The following ALDH1A2 variants were observed in gnomAD, a reference collection of about 807,000 sequenced individuals.
ALDH1A2 encodes retinal dehydrogenase 2.
A neutral mutation model predicts 60.3 loss-of-function variants in ALDH1A2; 27 were observed. The ratio of observed to expected loss-of-function variants is 0.45; its 90% CI spans 0.33 to 0.62. ALDH1A2 has a LOEUF of 0.62. ALDH1A2 is among the 20% of genes least tolerant of loss of function. ALDH1A2 has a pLI of 0.02. For synonymous variants in ALDH1A2, 289 were observed against 232.4 expected (o/e 1.24, Z -2.21); for missense variants, 581 against 643.8 (o/e 0.90, Z 1.06).
At chr15:58,064,240 G>A (rs547543062) in intron 1 of ALDH1A2, among the ~76,000 whole-genome samples, 1 of 152,202 alleles carries the variant, frequency 6.6e-6, no homozygotes, top group South Asian at 2.1e-4. Context: ...CTATTGTTAT[G>A]CAAACAATGC....
chr15:57,989,777 TAAAC>T (rs765148032), intron 7 of ALDH1A2, among the ~76,000 whole-genome samples: 6 of 152,186 alleles, frequency 3.9e-5, no homozygotes, highest in Admixed American at 6.5e-5. Context: ...CATTCATTTA[TAAAC>T]AAACAACCCT....
At chr15:58,031,103 A>G (rs764986720) in intron 1 of ALDH1A2, among the ~76,000 whole-genome samples, 8 of 152,104 alleles carry the variant, frequency 5.3e-5, no homozygotes, top group Middle Eastern at 3.2e-3. Context: ...AGCTAGAGGC[A>G]TCATGCTACC....
chr15:57,979,953 A>G (rs1894428299), intron 7 of ALDH1A2: 3 of 356,266 alleles, frequency 8.4e-6, no homozygotes, highest in South Asian at 8.3e-5. Context: ...GCTTGGTGTC[A>G]CAGATGTGCT....
intron 7 of ALDH1A2, among the ~76,000 whole-genome samples, chr15:57,969,705 G>T (rs546836689): frequency 6.6e-6 from 1 of 152,286 alleles, no homozygotes; most frequent in East Asian, 1.9e-4. Context: ...TACAGTTTGA[G>T]AAATTAAATC....
At chr15:57,956,026 G>GCC (rs1419736965) in intron 12 of ALDH1A2, among the ~76,000 whole-genome samples, 2 of 152,168 alleles carry the variant, frequency 1.3e-5, no homozygotes, top group Non-Finnish European at 2.9e-5. Flanking sequence ...TGTTCACAGA[G>GCC]CCCCTTGTTC....
At chr15:57,957,000 T>C (rs1893549003) in intron 12 of ALDH1A2, among the ~76,000 whole-genome samples, 1 of 152,188 alleles carries the variant, frequency 6.6e-6, no homozygotes, top group Non-Finnish European at 1.5e-5. Context: ...GCAGAGCTGC[T>C]CCTCTCTGGG....
rs8034521 is a variant in ALDH1A2 at position 58,052,755 on chromosome 15, G to A, written c.117+12779C>T. Among the ~76,000 whole-genome samples, 359 of 152,244 alleles carry A rather than the reference G, an allele frequency of 2.4e-3. 1 individual carries two copies. Among genetic ancestry groups the A allele is most frequent in the African/African-American group, 8.3e-3 (345 of 41,558 alleles). On this transcript the variant is annotated intron_variant, in intron 1 of 12. Transcript: ENST00000249750. Reference sequence around the variant, plus strand: ...TGACAGAGCTGGGGTCAGAACACGGGTCTTCTAATGCCCTGTCCAGTGCCT... The same window carrying A: ...TGACAGAGCTGGGGTCAGAACACGGATCTTCTAATGCCCTGTCCAGTGCCT...
intron 1 of ALDH1A2, among the ~76,000 whole-genome samples, chr15:58,056,044 G>A (rs1331960310): frequency 1.3e-5 from 2 of 152,098 alleles, no homozygotes; most frequent in Non-Finnish European, 2.9e-5. Flanking sequence ...CACAGCGCGA[G>A]CGCACATGAG....
chr15:57,956,889 G>A (rs1893545695), intron 12 of ALDH1A2, among the ~76,000 whole-genome samples: 2 of 152,316 alleles, frequency 1.3e-5, no homozygotes, highest in South Asian at 4.1e-4. Flanking sequence ...GAAATGTAAG[G>A]AAGTCTACAG....
intron 1 of ALDH1A2, among the ~76,000 whole-genome samples, chr15:58,050,078 T>A (rs1896737131): frequency 6.6e-6 from 1 of 152,054 alleles, no homozygotes; most frequent in Admixed American, 6.6e-5. Flanking sequence ...ACCCAGCTTA[T>A]CTCAATGTTT....
At chr15:58,063,099 A>G (rs867429217) in intron 1 of ALDH1A2, among the ~76,000 whole-genome samples, 1 of 152,228 alleles carries the variant, frequency 6.6e-6, no homozygotes, top group Non-Finnish European at 1.5e-5. Context: ...AAGTTTTCTA[A>G]GTGCACATTA....
In ALDH1A2 at chr15:57,962,545, G is replaced by T. The variant is rs1893756869; in HGVS notation, c.1087-369C>A. ...AATGAGTAACTTAGCAAGTTGTATT[G>T]ATAGTAAAAAGAGGCAAAAATTAGC... On this transcript the variant is annotated intron_variant, in intron 9 of 12. Coordinates refer to ENST00000249750, the MANE Select transcript of ALDH1A2 (RefSeq NM_003888.4). Among the ~76,000 whole-genome samples the T allele has an allele frequency of 2.0e-5, 3 of 152,162 alleles. No individual in the cohort carries two copies. The South Asian group carries it at 6.2e-4, about 32-fold the overall frequency.
intron 1 of ALDH1A2, among the ~76,000 whole-genome samples, chr15:58,020,305 T>C (rs1158448481): frequency 1.3e-5 from 2 of 152,238 alleles, no homozygotes; most frequent in South Asian, 2.1e-4. Context: ...CTTTATAATA[T>C]GATTTATATT....
chr15:58,040,049 A>G (rs1346062288), intron 1 of ALDH1A2, among the ~76,000 whole-genome samples: 4 of 151,932 alleles, frequency 2.6e-5, no homozygotes, highest in Non-Finnish European at 4.4e-5. Flanking sequence ...AACATTCACA[A>G]GCACTTATTG....
At chr15:57,978,653 T>C (rs1349595014) in intron 7 of ALDH1A2, among the ~76,000 whole-genome samples, 2 of 152,190 alleles carry the variant, frequency 1.3e-5, no homozygotes, top group African/African-American at 4.8e-5. Flanking sequence ...GGGGGGTCCC[T>C]GTGCAGTACT....
chr15:57,977,127 G>A (rs1399256371), intron 7 of ALDH1A2, among the ~76,000 whole-genome samples: 7 of 150,024 alleles, frequency 4.7e-5, no homozygotes, highest in Non-Finnish European at 8.9e-5. Context: ...ACTTGTTTAA[G>A]TTCCTTGTAG....
At chr15:58,014,527 G>C (rs750024517) in intron 1 of ALDH1A2, 8 of 547,096 alleles carry the variant, frequency 1.5e-5, no homozygotes, top group South Asian at 1.1e-4. Context: ...ACTAACTAAA[G>C]ATACAAATAA....
At chr15:57,997,320 G>C (rs1464472939) in intron 4 of ALDH1A2, among the ~76,000 whole-genome samples, 3 of 151,982 alleles carry the variant, frequency 2.0e-5, no homozygotes, top group Non-Finnish European at 4.4e-5. Context: ...GGTTTTTCAT[G>C]AGGAGCAACA....
chr15:58,024,289 A>G (rs12901462), intron 1 of ALDH1A2, among the ~76,000 whole-genome samples: 53,935 of 151,980 alleles, frequency 0.35, 10,529 homozygotes, highest in Non-Finnish European at 0.46. Flanking sequence ...GGCTGAATGG[A>G]TTTTTAAAAA....
Sources: allele counts gnomAD v4.1 joint callset (sites outside exome capture counted in the v4.1 genomes callset), GRCh38; gene constraint gnomAD v4.1.1; transcripts MANE v1.5; gene names NCBI Gene and HGNC (gene_info 2026-07-23, HGNC 2026-07-21).